Variants in OLFM2 observed in about 807,000 individuals in gnomAD.
OLFM2 encodes olfactomedin 2, also known as noelin-2.
Under a neutral mutation model 43.9 loss-of-function variants are expected in OLFM2, and 20 were observed. The ratio of observed to expected loss-of-function variants is 0.46; its 90% CI spans 0.32 to 0.66. The LOEUF (loss-of-function observed/expected upper bound fraction) is 0.66, where lower values mean the gene tolerates loss of function less well. Ranked by LOEUF, OLFM2 falls within the 30% of genes least tolerant of loss-of-function variation. OLFM2 has a pLI of 0.04. For missense variants in OLFM2, 416 were observed against 643.6 expected (o/e 0.65, Z 3.83); for synonymous variants, 268 against 278.6 (o/e 0.96, Z 0.38).
chr19:9,906,560 G>T (rs1404202745), intron 1 of OLFM2, among the ~76,000 whole-genome samples: 2 of 152,094 alleles, frequency 1.3e-5, no homozygotes. Flanking sequence ...GAGATTCAGA[G>T]ATCCAGGCGG....
intron 1 of OLFM2, among the ~76,000 whole-genome samples, chr19:9,887,360 G>A (rs1237576975): frequency 6.6e-6 from 1 of 151,662 alleles, no homozygotes; most frequent in Non-Finnish European, 1.5e-5. Flanking sequence ...TGTATTTTTA[G>A]TAGAGATGAG....
Position 9,856,962 on chromosome 19 carries a change from A to G in OLFM2, c.581-49T>C, listed in dbSNP as rs972617274. ...TGAGGATGGGGAAATGAACAGCCCA[A>G]GAGAGGCCAGGCAAAGATGAAGTGC... is the stretch of plus-strand genomic sequence containing the variant. On this transcript the variant is annotated intron_variant, in intron 4 of 5. Coordinates refer to ENST00000264833, the MANE Select transcript of OLFM2 (RefSeq NM_058164.4). This position sits in a 1 kb window ranked among gnomAD's most constrained non-coding sequence, Gnocchi z 4.0. 19 of 1,422,992 alleles carry G rather than the reference A, an allele frequency of 1.3e-5. No individual in the cohort carries two copies. In the Admixed American group the frequency reaches 1.9e-4, roughly 15 times the overall value. The allele number at this position is 1,422,992 out of a possible 1,614,324, so 88.1% of individuals were successfully genotyped here.
rs73500950 is a variant in OLFM2 at position 9,900,379 on chromosome 19, A to C, written c.63+35925T>G. ...GATGGAGGCACACCACGGTGGACAC[A>C]AGCACACGCAGGAGGTGTGAGAAAA... is the stretch of plus-strand genomic sequence containing the variant. On this transcript the variant is annotated intron_variant, in intron 1 of 5. Transcript: ENST00000264833. 9.0e-3 allele frequency among the ~76,000 whole-genome samples: 1,377 copies of C among 152,242 alleles called. 22 individuals are homozygous for C. The highest frequency in any genetic ancestry group is 0.032 in the African/African-American group (1,321 of 41,550).
Position 9,854,794 on chromosome 19 carries a change from T to C in OLFM2, c.757A>G (p.Lys253Glu). The C allele has an allele frequency of 6.2e-7, 1 of 1,610,296 alleles. No individual in the cohort carries two copies. The highest frequency in any genetic ancestry group is 8.5e-7 in the Non-Finnish European group (1 of 1,177,150). ...LEFRTLGDFI[K>E]GQNFIQHLLP... is the part of the protein sequence containing the mutation. The stretch of plus-strand genomic sequence containing the variant: ...AGGTGCTGGATAAAGTTCTGGCCTT[T>C]GATGAAGTCTCCCAGGGTACGGAAC... The change falls in exon 6 of 6, where the codon AAA becomes GAA. Residue 253 changes from lysine (K) to glutamate (E), a missense_variant. By Grantham distance (56) the Lys-to-Glu change is moderately conservative. Transcript: ENST00000264833. This position sits in a 1 kb window ranked among gnomAD's most constrained non-coding sequence, Gnocchi z 9.5.
intron 1 of OLFM2, 68 bp from the exon 2 acceptor site, chr19:9,860,862 G>T: frequency 6.7e-7 from 1 of 1,495,090 alleles, no homozygotes; most frequent in Non-Finnish European, 9.0e-7. Flanking sequence ...ACTGGGACAG[G>T]AAGGGGGCCC....
intron 1 of OLFM2, among the ~76,000 whole-genome samples, chr19:9,896,926 T>G (rs559168697): frequency 2.0e-5 from 3 of 152,274 alleles, no homozygotes; most frequent in Non-Finnish European, 4.4e-5. Flanking sequence ...GTGCAGTGGC[T>G]CACACCTATA....
chr19:9,905,943 G>A (rs146449815), intron 1 of OLFM2, among the ~76,000 whole-genome samples: 261 of 152,258 alleles, frequency 1.7e-3, no homozygotes, highest in African/African-American at 6.1e-3. Context: ...CAGACATTCC[G>A]CACACAAGAC....
intron 1 of OLFM2, among the ~76,000 whole-genome samples, chr19:9,871,678 C>T (rs930421651): frequency 2.0e-5 from 3 of 151,984 alleles, no homozygotes; most frequent in African/African-American, 4.8e-5. Context: ...CACTGGCTTG[C>T]GGCACCTCTC....
At chr19:9,862,383 T>G (rs1375362628) in intron 1 of OLFM2, among the ~76,000 whole-genome samples, 3 of 151,900 alleles carry the variant, frequency 2.0e-5, no homozygotes, top group Non-Finnish European at 4.4e-5. Context: ...GATCAATGTC[T>G]GGAGGGACCC....
chr19:9,858,533 C>T (rs1271444340), intron 2 of OLFM2, among the ~76,000 whole-genome samples: 1 of 152,226 alleles, frequency 6.6e-6, no homozygotes, highest in Non-Finnish European at 1.5e-5. Context: ...CCCTCAGAGG[C>T]AGAGGCTGCG....
chr19:9,884,167 G>A (rs60299830), intron 1 of OLFM2, among the ~76,000 whole-genome samples: 4,634 of 151,816 alleles, frequency 0.031, 191 homozygotes, highest in African/African-American at 0.095. Flanking sequence ...TACTTGGGAG[G>A]CTGAAAGAGG....
intron 2 of OLFM2, chr19:9,858,092 C>G: frequency 1.6e-6 from 1 of 612,136 alleles, no homozygotes; most frequent in Admixed American, 2.4e-5. Flanking sequence ...ACCACCACCT[C>G]TCACCTCCTC....
intron 1 of OLFM2, among the ~76,000 whole-genome samples, chr19:9,878,658 C>G (rs2046512947): frequency 6.6e-6 from 1 of 152,140 alleles, no homozygotes; most frequent in Non-Finnish European, 1.5e-5. Flanking sequence ...AGCCCTGGTT[C>G]AGAGAGAGTG....
intron 1 of OLFM2, among the ~76,000 whole-genome samples, chr19:9,879,783 T>C (rs149609227): frequency 2.2e-5 from 2 of 91,862 alleles, no homozygotes; most frequent in East Asian, 2.6e-4. Flanking sequence ...CTTGAACTCT[T>C]TTTTGTCTTT....
At chr19:9,930,902 C>T (rs1015021119) in intron 1 of OLFM2, among the ~76,000 whole-genome samples, 5 of 152,162 alleles carry the variant, frequency 3.3e-5, no homozygotes, top group South Asian at 2.1e-4. Context: ...TTTGCACCCG[C>T]GGCGAGTATC....
intron 1 of OLFM2, among the ~76,000 whole-genome samples, chr19:9,895,438 T>G (rs978578106): frequency 1.3e-5 from 2 of 152,004 alleles, no homozygotes; most frequent in Non-Finnish European, 2.9e-5. Flanking sequence ...AAGGCTTCAG[T>G]GAGCCGTGAT....
chr19:9,863,497 G>A (rs997505944), intron 1 of OLFM2, among the ~76,000 whole-genome samples: 9 of 152,064 alleles, frequency 5.9e-5, no homozygotes, highest in Non-Finnish European at 1.0e-4. Context: ...GCGGTAAATG[G>A]AAGATTCTGG....
At chr19:9,921,859 C>T (rs1011504757) in intron 1 of OLFM2, among the ~76,000 whole-genome samples, 4 of 151,964 alleles carry the variant, frequency 2.6e-5, no homozygotes, top group African/African-American at 4.8e-5. Flanking sequence ...TTTGGGAGGC[C>T]GGGGCGGGAG....
intron 1 of OLFM2, among the ~76,000 whole-genome samples, chr19:9,910,854 A>G (rs1295016244): frequency 6.6e-6 from 1 of 152,108 alleles, no homozygotes; most frequent in Non-Finnish European, 1.5e-5. Flanking sequence ...GACAGATGGA[A>G]TAGTGGGTGG....
Sources: allele counts gnomAD v4.1 joint callset (sites outside exome capture counted in the v4.1 genomes callset), GRCh38; gene constraint gnomAD v4.1.1; non-coding constraint Gnocchi (gnomAD v3.1); transcripts MANE v1.5; gene names NCBI Gene and HGNC (gene_info 2026-07-23, HGNC 2026-07-21).